Variants in TP63 observed in about 807,000 individuals in gnomAD.
The protein encoded by TP63 is tumor protein 63.
In TP63, 17 loss-of-function variants were observed where a neutral mutation model predicts 82.8. That is an observed-to-expected ratio of 0.21 (90% CI 0.14 to 0.31). The LOEUF (loss-of-function observed/expected upper bound fraction) is 0.31. Ranked by LOEUF, TP63 falls within the 10% of genes least tolerant of loss-of-function variation. The pLI, the probability that TP63 is intolerant of heterozygous loss-of-function variation, is 1.00. For missense variants in TP63, 648 were observed against 895.3 expected, an observed-to-expected ratio of 0.72 and a Z score of 3.52; for synonymous variants, 330 against 321.7, an observed-to-expected ratio of 1.03 and a Z score of -0.28.
Position 189,866,344 on chromosome 3 carries a change from A to G in TP63, c.767-338A>G, listed in dbSNP as rs3773929. On this transcript the variant is annotated intron_variant, in intron 5 of 13. Coordinates refer to ENST00000264731, the MANE Select transcript of TP63 (RefSeq NM_003722.5). ...AAATTAATTTGCTTATTTCCCTTTC[A>G]TTTTCCAGGAAGCTGGCAAAATTTC... 0.6 allele frequency among the ~76,000 whole-genome samples: 91,208 copies of G among 151,832 alleles called. 28,096 individuals carry two copies. The highest frequency in any genetic ancestry group is 0.75 in the African/African-American group (30,921 of 41,418).
chr3:189,686,388 G>A (rs941667427), intron 1 of TP63, among the ~76,000 whole-genome samples: 2 of 152,098 alleles, frequency 1.3e-5, no homozygotes, highest in African/African-American at 4.8e-5. Flanking sequence ...TCTCTCCCAG[G>A]CAGGGTGGTA....
At chr3:189,759,186 A>G (rs1481266267) in intron 3 of TP63, among the ~76,000 whole-genome samples, 2 of 152,216 alleles carry the variant, frequency 1.3e-5, no homozygotes, top group African/African-American at 2.4e-5. Flanking sequence ...CATCAGCATC[A>G]TCTAAGAACT....
chr3:189,734,096 TTCTC>T (rs1440830672), intron 1 of TP63, among the ~76,000 whole-genome samples: 1 of 151,208 alleles, frequency 6.6e-6, no homozygotes, highest in African/African-American at 2.4e-5. Flanking sequence ...TTTCTTTACT[TTCTC>T]TTTCTTTCTC....
rs1017189562 is a variant in TP63, at chr3:189,862,433, G to A, written c.580-1799G>A. 9.2e-5 allele frequency among the ~76,000 whole-genome samples: 14 copies of A among 152,084 alleles called. No individual in the cohort carries two copies. The South Asian group carries it at 2.3e-3, about 25-fold the overall frequency. Reference sequence around the variant, plus strand: ...ATGCTTTTATACTGTACTCTCTCGAGCTTGATTTATAGTATATCAGTTATT... The same window carrying A: ...ATGCTTTTATACTGTACTCTCTCGAACTTGATTTATAGTATATCAGTTATT... On this transcript the variant is annotated intron_variant, in intron 4 of 13. Transcript: ENST00000264731.
rs36064124 is a variant in TP63, at chr3:189,896,625, C to G, written c.*2123C>G. Reference sequence around the variant, plus strand: ...GTCCTAGTAAGAAGACAAACTGCTTCCCTTACTTTGCTGAGGGTTTGAATA... The same window carrying G: ...GTCCTAGTAAGAAGACAAACTGCTTGCCTTACTTTGCTGAGGGTTTGAATA... On this transcript the variant is annotated 3_prime_UTR_variant, in exon 14 of 14. Transcript: ENST00000264731. 4.8e-6 allele frequency: 1 copy of G among 208,638 alleles called. No individual in the cohort carries two copies. 12.9% of individuals were successfully genotyped at this position (208,638 alleles called of 1,614,324 possible).
chr3:189,642,246 C>T lies in TP63; in HGVS notation c.62+10669C>T, dbSNP rs1456780738. Among the ~76,000 whole-genome samples the T allele has an allele frequency of 2.6e-5, 4 of 151,998 alleles. No individual in the cohort carries two copies. In the East Asian group the frequency reaches 7.7e-4, roughly 29 times the overall value. On this transcript the variant is annotated intron_variant, in intron 1 of 13. Coordinates refer to ENST00000264731, the MANE Select transcript of TP63 (RefSeq NM_003722.5). ...GGACTTCCGTATTAACTACGGAAAC[C>T]ACAATTACTAATTTTAAAAGACCTC...
chr3:189,679,639 G>A (rs916620834), intron 1 of TP63, among the ~76,000 whole-genome samples: 4 of 151,838 alleles, frequency 2.6e-5, no homozygotes, highest in East Asian at 3.9e-4. Context: ...TGTTTGATAC[G>A]ACTTCATATG....
Position 189,894,407 on chromosome 3 carries a change from A to G in TP63, c.1948A>G (p.Ile650Val), listed in dbSNP as rs140149400. 1 of 1,613,860 alleles carries G rather than the reference A, an allele frequency of 6.2e-7. No homozygotes were observed. Among genetic ancestry groups the G allele is most frequent in the African/African-American group, 1.3e-5 (1 of 74,942 alleles). Residue 650 changes from isoleucine (I) to valine (V), a missense_variant, in exon 14 of 14, where the codon ATC (isoleucine) becomes GTC (valine). Coordinates refer to ENST00000264731, the MANE Select transcript of TP63 (RefSeq NM_003722.5). ...TGTGCGATTCACCCTCCGCCAGACC[A>G]TCTCTTTCCCACCCCGAGATGAGTG... ...DAVRFTLRQT[I>V]SFPPRDEWND...
intron 4 of TP63, among the ~76,000 whole-genome samples, chr3:189,821,013 T>A (rs1728741922): frequency 6.6e-6 from 1 of 152,222 alleles, no homozygotes; most frequent in South Asian, 2.1e-4. Flanking sequence ...GTGGTCTTAA[T>A]GAATGAATAA....
the TP63 span, among the ~76,000 whole-genome samples, chr3:189,598,711 C>T: frequency 6.6e-6 from 1 of 152,216 alleles, no homozygotes; most frequent in Non-Finnish European, 1.5e-5. Context: ...AACTAGAATT[C>T]CAGAGCCAGC....
intron 1 of TP63, among the ~76,000 whole-genome samples, chr3:189,655,130 A>G (rs1713222115): frequency 6.6e-6 from 1 of 152,200 alleles, no homozygotes; most frequent in African/African-American, 2.4e-5. Flanking sequence ...TTTTTAGTCT[A>G]TTGGAACACA....
chr3:189,874,485 T>C (rs1718803952), intron 10 of TP63, among the ~76,000 whole-genome samples: 1 of 152,196 alleles, frequency 6.6e-6, no homozygotes, highest in Non-Finnish European at 1.5e-5. Context: ...GCACATTCTC[T>C]GTTCAAAGGA....
At chr3:189,696,710 G>T (rs73195985) in intron 1 of TP63, among the ~76,000 whole-genome samples, 12,239 of 152,074 alleles carry the variant, frequency 0.08, 648 homozygotes, top group East Asian at 0.24. Context: ...ACCAGCAATT[G>T]CTTGGCAGTC....
chr3:189,630,123 A>G (rs1318285640), upstream of TP63, among the ~76,000 whole-genome samples: 1 of 152,126 alleles, frequency 6.6e-6, no homozygotes, highest in Non-Finnish European at 1.5e-5. Context: ...TATGAAACAC[A>G]TTTTGAGTTA....
At chr3:189,692,037 C>A (rs1159785593) in intron 1 of TP63, among the ~76,000 whole-genome samples, 1 of 152,132 alleles carries the variant, frequency 6.6e-6, no homozygotes, top group Non-Finnish European at 1.5e-5. Context: ...TACGGGTTGT[C>A]ATCTTCGGAA....
chr3:189,871,056 A>G (rs1385592127), intron 9 of TP63, among the ~76,000 whole-genome samples: 3 of 152,168 alleles, frequency 2.0e-5, no homozygotes, highest in Non-Finnish European at 4.4e-5. Flanking sequence ...TTACCCTGAT[A>G]CACTAAATAT....
chr3:189,866,678 G>T lies in TP63; in HGVS notation c.767-4G>T, dbSNP rs1452448086. Reference sequence around the variant, plus strand: ...TAACTCTTTTATTGTTTTCTGCTCTGCAGGACAGATTGCCCCTCCTAGTCA... The same window carrying T: ...TAACTCTTTTATTGTTTTCTGCTCTTCAGGACAGATTGCCCCTCCTAGTCA... On this transcript the variant is annotated splice_region_variant and splice_polypyrimidine_tract_variant and intron_variant, in intron 5 of 13. Coordinates refer to ENST00000264731, the MANE Select transcript of TP63 (RefSeq NM_003722.5). 2 of 1,613,066 alleles carry T rather than the reference G, an allele frequency of 1.2e-6. No individual in the cohort carries two copies. Among genetic ancestry groups the T allele is most frequent in the South Asian group, 1.1e-5 (1 of 91,038 alleles).
At chr3:189,828,262 A>AAG (rs201090494) in intron 4 of TP63, among the ~76,000 whole-genome samples, 2,131 of 151,604 alleles carry the variant, frequency 0.014, 44 homozygotes, top group African/African-American at 0.049. Flanking sequence ...AAAAAAAAAA[A>AAG]AGAGAGAGAG....
At chr3:189,808,575 G>T in intron 4 of TP63, 49 bp downstream of exon 4, 1 of 1,609,138 alleles carries the variant, frequency 6.2e-7, no homozygotes. Flanking sequence ...TCCAAGGATG[G>T]GCTTCACCAC....
Sources: allele counts gnomAD v4.1 joint callset (sites outside exome capture counted in the v4.1 genomes callset), GRCh38; gene constraint gnomAD v4.1.1; transcripts MANE v1.5; gene names NCBI Gene and HGNC (gene_info 2026-07-23, HGNC 2026-07-21).